FBXW8: variants seen among roughly 807,000 people sequenced by gnomAD.
FBXW8 encodes F-box and WD repeat domain containing 8, also known as F-box/WD repeat-containing protein 8.
A neutral mutation model predicts 65.3 loss-of-function variants in FBXW8; 57 were observed. The observed-to-expected ratio is 0.87, with a 90% CI of 0.71 to 1.09. The LOEUF (loss-of-function observed/expected upper bound fraction) is 1.09, where lower values mean the gene tolerates loss of function less well. Among genes scored for constraint, FBXW8 ranks in the 50% least tolerant of loss-of-function variants. The pLI is 0.00. For missense variants in FBXW8, 777 were observed against 814.8 expected, an observed-to-expected ratio of 0.95 and a Z score of 0.57; for synonymous variants, 308 against 330.2, an observed-to-expected ratio of 0.93 and a Z score of 0.73.
intron 5 of FBXW8, among the ~76,000 whole-genome samples, chr12:116,982,221 C>T (rs1416264291): frequency 6.6e-6 from 1 of 151,926 alleles, no homozygotes; most frequent in Non-Finnish European, 1.5e-5. Context: ...ATTTAAACAC[C>T]CCAATTAAAA....
rs750553205 is a variant in FBXW8 at position 116,928,069 on chromosome 12, A to C, written c.365A>C (p.Glu122Ala). 12 of 1,612,418 alleles carry C rather than the reference A, an allele frequency of 7.4e-6. No individual in the cohort carries two copies. The South Asian group carries it at 1.2e-4, about 16-fold the overall frequency. The change falls in exon 2 of 11, where the codon GAA becomes GCA. Residue 122 changes from glutamate (E) to alanine (A), a missense_variant. By Grantham distance (107) the Glu-to-Ala change is moderately radical. Transcript: ENST00000652555. ...VPFFDIQLPY[E>A]LAINIFQYLD... ...TTCTTTGATATCCAACTGCCTTACG[A>C]ATTGGCAATCAATATATTTCAGTAT...
intron 1 of FBXW8, among the ~76,000 whole-genome samples, chr12:116,924,864 C>T (rs7963012): frequency 0.07 from 10,609 of 152,180 alleles, 969 homozygotes; most frequent in African/African-American, 0.21. Context: ...CCAATAATAA[C>T]AAACTGAAGT....
rs756865515 is a variant in FBXW8, at chr12:117,024,211, GTC to G, written c.1436_1437del (p.Ser479CysfsTer6). 8 of 1,614,066 alleles carry G rather than the reference GTC, an allele frequency of 5.0e-6. No homozygotes were observed. The Admixed American group carries it at 1.2e-4, about 24-fold the overall frequency. Reference protein sequence around the residue: ...ALSLSAHQLRVSAVQMDDWKI... With the variant: ...ALSLSAHQLRXSAVQMDDWKI... ...GTCGCTCTCCGCCCATCAGCTCAGGGTCTCTGCTGTGCAGATGGATGACTGGA... is the reference window on the plus strand; with the variant it reads ...GTCGCTCTCCGCCCATCAGCTCAGGGTCTGCTGTGCAGATGGATGACTGGA... On this transcript the variant is annotated frameshift_variant, in exon 9 of 11. Transcript: ENST00000652555. LOFTEE classifies it high-confidence loss of function.
At chr12:116,988,968 A>G (rs1228694394) in intron 7 of FBXW8, 99 bp downstream of exon 7, 2 of 1,133,892 alleles carry the variant, frequency 1.8e-6, no homozygotes, top group East Asian at 2.6e-5. Context: ...TTTTCCAGAT[A>G]TATCAGGCCA....
At chr12:116,933,117 T>C (rs1429550052) in intron 2 of FBXW8, among the ~76,000 whole-genome samples, 2 of 152,238 alleles carry the variant, frequency 1.3e-5, no homozygotes, top group African/African-American at 4.8e-5. Flanking sequence ...GGAAATTTGA[T>C]TTGTTATATT....
intron 8 of FBXW8, among the ~76,000 whole-genome samples, chr12:117,015,029 C>T (rs545457671): frequency 6.6e-6 from 1 of 152,262 alleles, no homozygotes; most frequent in South Asian, 2.1e-4. Context: ...GGGGCACAGC[C>T]ACAAGAAAGA....
chr12:117,029,057 T>C lies in FBXW8; in HGVS notation c.*885T>C, dbSNP rs1036917932. 6.6e-6 allele frequency: 1 copy of C among 152,124 alleles called. No homozygotes were observed. The highest frequency in any genetic ancestry group is 1.5e-5 in the Non-Finnish European group (1 of 68,016). 9.4% of individuals were successfully genotyped at this position (152,124 alleles called of 1,614,324 possible). The stretch of plus-strand genomic sequence containing the variant: ...TCCATTCTCACGGCAGGCAAATCAG[T>C]GAGAAAAATGTAAAGATCTGGAGGA... On this transcript the variant is annotated 3_prime_UTR_variant, in exon 11 of 11. Coordinates refer to ENST00000652555, the MANE Select transcript of FBXW8 (RefSeq NM_153348.3).
At chr12:117,000,283 CAT>C (rs1441562155) in intron 7 of FBXW8, among the ~76,000 whole-genome samples, 14 of 152,204 alleles carry the variant, frequency 9.2e-5, no homozygotes, top group African/African-American at 3.1e-4. Flanking sequence ...GCCTGCATCT[CAT>C]ATTTTCATAC....
At position 116,985,396 on chromosome 12, in the gene FBXW8, G is replaced by A. The variant is rs183097307; in HGVS notation, c.1026G>A (p.Pro342=). The A allele has an allele frequency of 1.1e-5, 17 of 1,611,644 alleles. No individual in the cohort carries two copies. In the Admixed American group the frequency reaches 1.2e-4, roughly 11 times the overall value. ...AGATAGCTGCGGAATTTGAAGTTCC[G>A]AAACTGGTGAGCTTTTTAGTCTGGT... ...YWQIAAEFEV[P]KLVQYLEIVP... Residue 342 remains proline, a synonymous_variant, in exon 6 of 11, where the codon CCG becomes CCA. Coordinates refer to ENST00000652555, the MANE Select transcript of FBXW8 (RefSeq NM_153348.3).
intron 7 of FBXW8, among the ~76,000 whole-genome samples, chr12:116,995,292 C>T (rs114036531): frequency 8.1e-4 from 124 of 152,324 alleles, no homozygotes; most frequent in African/African-American, 2.9e-3. Flanking sequence ...TGACCTGCCT[C>T]TTCTCTTCTG....
intron 4 of FBXW8, 176 bp downstream of exon 4, chr12:116,949,882 C>A: frequency 3.1e-6 from 2 of 635,590 alleles, no homozygotes; most frequent in South Asian, 3.6e-5. Flanking sequence ...CGTGAGAGCG[C>A]GCAGCAAGGG....
At chr12:116,937,953 G>C (rs993172302) in intron 2 of FBXW8, among the ~76,000 whole-genome samples, 1 of 151,882 alleles carries the variant, frequency 6.6e-6, no homozygotes. Context: ...CACTCGGTGG[G>C]GCTTTACTGA....
chr12:116,913,664 T>G (rs1359960134), intron 1 of FBXW8, among the ~76,000 whole-genome samples: 2 of 152,132 alleles, frequency 1.3e-5, no homozygotes, highest in Non-Finnish European at 2.9e-5. Context: ...GCTGTCATAG[T>G]GGTGGCAGAG....
chr12:116,960,671 G>T (rs886156041), intron 4 of FBXW8, among the ~76,000 whole-genome samples: 4 of 152,082 alleles, frequency 2.6e-5, no homozygotes, highest in Non-Finnish European at 5.9e-5. Context: ...AAATAAAGAG[G>T]TACCCCTCAA....
intron 2 of FBXW8, among the ~76,000 whole-genome samples, chr12:116,944,317 T>G (rs1303816622): frequency 6.6e-6 from 1 of 152,168 alleles, no homozygotes; most frequent in Admixed American, 6.5e-5. Context: ...GTCTTTAATC[T>G]GCCATCCTGC....
At position 116,945,543 on chromosome 12, in the gene FBXW8, A is replaced by T; in HGVS notation, c.588+15A>T. On this transcript the variant is annotated intron_variant, in intron 3 of 10. Coordinates refer to ENST00000652555, the MANE Select transcript of FBXW8 (RefSeq NM_153348.3). Reference sequence around the variant, plus strand: ...CCAACTGGAAGGTGGGCAGTGGCCAATATCATTACCTGTGAAAGAATAGCC... The same window carrying T: ...CCAACTGGAAGGTGGGCAGTGGCCATTATCATTACCTGTGAAAGAATAGCC... The T allele has an allele frequency of 6.2e-7, 1 of 1,611,604 alleles. No individual in the cohort carries two copies. Among genetic ancestry groups the T allele is most frequent in the Non-Finnish European group, 8.5e-7 (1 of 1,178,530 alleles).
chr12:116,992,814 C>G (rs1352662904), intron 7 of FBXW8, among the ~76,000 whole-genome samples: 1 of 144,076 alleles, frequency 6.9e-6, no homozygotes, highest in Non-Finnish European at 1.5e-5. Context: ...TTTTCTGTAT[C>G]TACTCATTGG....
At chr12:117,008,890 CAGG>C (rs1953739246) in intron 7 of FBXW8, among the ~76,000 whole-genome samples, 1 of 152,112 alleles carries the variant, frequency 6.6e-6, no homozygotes, top group African/African-American at 2.4e-5. Flanking sequence ...CACTTGAGGT[CAGG>C]AGATCGAGAC....
At chr12:116,915,460 T>G (rs987629445) in intron 1 of FBXW8, among the ~76,000 whole-genome samples, 2 of 152,072 alleles carry the variant, frequency 1.3e-5, no homozygotes, top group African/African-American at 4.8e-5. Flanking sequence ...TTTTCAAGTG[T>G]ACACATCCAT....
Sources: gnomAD v4.1 joint callset for allele counts (sites outside exome capture counted in the v4.1 genomes callset) on GRCh38, gnomAD v4.1.1 for gene constraint, MANE v1.5 for transcripts, NCBI Gene and HGNC (gene_info 2026-07-23, HGNC 2026-07-21) for gene names.